LRRC28: variants seen among roughly 807,000 people sequenced by gnomAD.
The protein encoded by LRRC28 is leucine rich repeat containing 28.
LRRC28 carries 39 observed loss-of-function variants against 45.7 expected under a neutral mutation model. The observed-to-expected ratio is 0.85, with a 90% CI of 0.66 to 1.12. The LOEUF (loss-of-function observed/expected upper bound fraction) is 1.12. Among genes scored for constraint, LRRC28 ranks in the 50% most tolerant of loss-of-function variants. The pLI is 0.00. For synonymous variants in LRRC28, 206 were observed against 178.8 expected (o/e 1.15, Z -1.22); for missense variants, 435 against 438.5 (o/e 0.99, Z 0.07).
At chr15:99,319,361 G>T (rs1955712613) in intron 5 of LRRC28, among the ~76,000 whole-genome samples, 1 of 152,104 alleles carries the variant, frequency 6.6e-6, no homozygotes, top group South Asian at 2.1e-4. Flanking sequence ...GAATGAGGAA[G>T]ATAAAGGATT....
At position 99,386,338 on chromosome 15, in the gene LRRC28, C is replaced by G. The variant is rs1957989781; in HGVS notation, c.*236C>G. On this transcript the variant is annotated 3_prime_UTR_variant, in exon 10 of 10. Coordinates refer to ENST00000301981, the MANE Select transcript of LRRC28 (RefSeq NM_144598.5). ...GTTTTTCCTTTTTATGTGAGTGTGT[C>G]TTTTACAGAAACCATTTAGATTGAT... is the stretch of plus-strand genomic sequence containing the variant. 1 of 453,020 alleles carries G rather than the reference C, an allele frequency of 2.2e-6. No individual in the cohort carries two copies. The highest frequency in any genetic ancestry group is 3.6e-5 in the Admixed American group (1 of 27,568). 28.1% of individuals were successfully genotyped at this position (453,020 alleles called of 1,614,324 possible).
intron 7 of LRRC28, among the ~76,000 whole-genome samples, chr15:99,357,564 GGTTTTGCTTAGCA>G (rs1166041671): frequency 6.6e-6 from 1 of 152,128 alleles, no homozygotes; most frequent in Non-Finnish European, 1.5e-5. Flanking sequence ...TTGGGGTATG[GGTTTTGCTTAGCA>G]GTGGGACCCA....
In LRRC28 at chr15:99,263,139, G is replaced by A. The variant is rs1439139274; in HGVS notation, c.168+7014G>A. Among the ~76,000 whole-genome samples the A allele has an allele frequency of 4.2e-5, 5 of 117,832 alleles. No individual in the cohort carries two copies. The East Asian group carries it at 1.3e-3, about 31-fold the overall frequency. The allele number at this position is 117,832 out of a possible 152,430, so 77.3% of individuals were successfully genotyped here. On this transcript the variant is annotated intron_variant, in intron 2 of 9. Transcript: ENST00000301981. The stretch of plus-strand genomic sequence containing the variant: ...AGCCTGGGCAACATCACAAAATGCT[G>A]TCTTATAAAAAATACAAAAAAAAAA...
chr15:99,287,478 A>G (rs971684885), intron 4 of LRRC28, among the ~76,000 whole-genome samples, 184 bp downstream of exon 4: 2 of 152,190 alleles, frequency 1.3e-5, no homozygotes, highest in Non-Finnish European at 2.9e-5. Flanking sequence ...TAGGTAAACT[A>G]TTGTTGGATA....
chr15:99,370,638 T>C (rs1028293701), intron 9 of LRRC28, among the ~76,000 whole-genome samples: 4 of 152,206 alleles, frequency 2.6e-5, no homozygotes, highest in African/African-American at 9.6e-5. Flanking sequence ...CCTAAAACTG[T>C]ATACATATTA....
At chr15:99,290,628 T>G (rs1326561190) in intron 5 of LRRC28, among the ~76,000 whole-genome samples, 1 of 152,176 alleles carries the variant, frequency 6.6e-6, no homozygotes, top group African/African-American at 2.4e-5. Flanking sequence ...TATGAACTTT[T>G]TTTTACATAC....
intron 8 of LRRC28, 90 bp from the exon 9 acceptor site, chr15:99,363,014 CTG>C (rs879164976): frequency 7.3e-7 from 1 of 1,367,666 alleles, no homozygotes; most frequent in Non-Finnish European, 9.9e-7. Flanking sequence ...TTTTAAGTAA[CTG>C]AACTTATTTG....
chr15:99,270,058 T>C (rs2081433767), intron 2 of LRRC28, among the ~76,000 whole-genome samples: 1 of 152,142 alleles, frequency 6.6e-6, no homozygotes, highest in Non-Finnish European at 1.5e-5. Context: ...GGAGAAGGAA[T>C]GGACAAGTTG....
At chr15:99,281,090 C>G (rs904698754) in intron 3 of LRRC28, among the ~76,000 whole-genome samples, 3 of 151,522 alleles carry the variant, frequency 2.0e-5, no homozygotes, top group Non-Finnish European at 4.4e-5. Context: ...TGCAGTGGCT[C>G]TATCCTAGCT....
At chr15:99,283,342 G>A (rs1293856392) in intron 3 of LRRC28, among the ~76,000 whole-genome samples, 3 of 151,160 alleles carry the variant, frequency 2.0e-5, no homozygotes, top group Non-Finnish European at 4.4e-5. Flanking sequence ...GGCCAGGCAT[G>A]GTGGCTCATG....
rs1199724676 is a variant in LRRC28 at position 99,390,451 on chromosome 15, T to G, written c.*4349T>G. 6.6e-6 allele frequency: 1 copy of G among 152,216 alleles called. No individual in the cohort carries two copies. Among genetic ancestry groups the G allele is most frequent in the African/African-American group, 2.4e-5 (1 of 41,446 alleles). 9.4% of individuals were successfully genotyped at this position (152,216 alleles called of 1,614,324 possible). Reference sequence around the variant, plus strand: ...TTTCCACTCAAGTGTGGATTATCTTTGCTACCTGTGTTAAAGAATATCAGG... The same window carrying G: ...TTTCCACTCAAGTGTGGATTATCTTGGCTACCTGTGTTAAAGAATATCAGG... On this transcript the variant is annotated 3_prime_UTR_variant, in exon 10 of 10. Coordinates refer to ENST00000301981, the MANE Select transcript of LRRC28 (RefSeq NM_144598.5).
At chr15:99,290,037 C>T (rs1229840786) in intron 5 of LRRC28, among the ~76,000 whole-genome samples, 1 of 148,142 alleles carries the variant, frequency 6.8e-6, no homozygotes, top group Non-Finnish European at 1.5e-5. Context: ...GTGGGTGGAT[C>T]ACCTGAGGTC....
chr15:99,328,949 C>G (rs1956072819), intron 5 of LRRC28, among the ~76,000 whole-genome samples: 1 of 151,926 alleles, frequency 6.6e-6, no homozygotes, highest in African/African-American at 2.4e-5. Flanking sequence ...TTCCAGCTTG[C>G]AGACAGTCTG....
intron 5 of LRRC28, among the ~76,000 whole-genome samples, chr15:99,325,782 C>T (rs2152283426): frequency 6.6e-6 from 1 of 152,260 alleles, no homozygotes; most frequent in East Asian, 1.9e-4. Context: ...GAGAGGTGGG[C>T]CAGGGCTGAT....
At chr15:99,377,578 T>C (rs1361256598) in intron 9 of LRRC28, among the ~76,000 whole-genome samples, 1 of 152,206 alleles carries the variant, frequency 6.6e-6, no homozygotes, top group African/African-American at 2.4e-5. Context: ...TGGCTTTTGT[T>C]GCCATTGCTT....
intron 5 of LRRC28, among the ~76,000 whole-genome samples, chr15:99,327,188 CCTTAGCCTCCTGA>C (rs1956012561): frequency 6.6e-6 from 1 of 152,070 alleles, no homozygotes. Flanking sequence ...AATTCTCCTG[CCTTAGCCTCCTGA>C]GTAGCTGGGA....
At chr15:99,330,781 A>AT (rs536746479) in intron 5 of LRRC28, among the ~76,000 whole-genome samples, 8 of 151,808 alleles carry the variant, frequency 5.3e-5, no homozygotes, top group Non-Finnish European at 8.8e-5. Flanking sequence ...CATATCTTGT[A>AT]TTTTTTTCCC....
In LRRC28 at chr15:99,388,539, G is replaced by A. The variant is rs1958096659; in HGVS notation, c.*2437G>A. 1 of 152,130 alleles carries A rather than the reference G, an allele frequency of 6.6e-6. No individual in the cohort carries two copies. The highest frequency in any genetic ancestry group is 1.5e-5 in the Non-Finnish European group (1 of 68,036). The allele number at this position is 152,130 out of a possible 1,614,324, so 9.4% of individuals were successfully genotyped here. The stretch of plus-strand genomic sequence containing the variant: ...GTGGAACTTAAGTGGTTTCCCTGGT[G>A]CTGTTCATTATGGAAATTTTATGCT... On this transcript the variant is annotated 3_prime_UTR_variant, in exon 10 of 10. Coordinates refer to ENST00000301981, the MANE Select transcript of LRRC28 (RefSeq NM_144598.5).
chr15:99,262,800 C>G (rs2081233314), intron 2 of LRRC28, among the ~76,000 whole-genome samples: 1 of 151,556 alleles, frequency 6.6e-6, no homozygotes, highest in South Asian at 2.1e-4. Context: ...CACACCACCA[C>G]ACCATACCCA....
Sources: gnomAD v4.1 joint callset for allele counts (sites outside exome capture counted in the v4.1 genomes callset) on GRCh38, gnomAD v4.1.1 for gene constraint, MANE v1.5 for transcripts, NCBI Gene and HGNC (gene_info 2026-07-23, HGNC 2026-07-21) for gene names.